WDR64: variants seen among roughly 807,000 people sequenced by gnomAD.
WDR64 encodes the protein WD repeat domain 64, also known as WD repeat-containing protein 64.
In WDR64, 112 loss-of-function variants were observed where a neutral mutation model predicts 139.3. That is an observed-to-expected ratio of 0.80 (90% CI 0.69 to 0.94). The LOEUF is 0.94. Ranked by LOEUF, WDR64 falls within the 40% of genes least tolerant of loss-of-function variation. The pLI, the probability that WDR64 is intolerant of heterozygous loss-of-function variation, is 0.00. For synonymous variants in WDR64, 444 were observed against 437.7 expected (o/e 1.01, Z -0.18); for missense variants, 1,206 against 1,293.1 (o/e 0.93, Z 1.03).
intron 2 of WDR64, among the ~76,000 whole-genome samples, chr1:241,669,891 A>G (rs1666156923): frequency 6.6e-6 from 1 of 152,186 alleles, no homozygotes. Context: ...TTAGAAATGC[A>G]GATTCTCAGA....
chr1:241,784,606 CT>C (rs1558524135), intron 23 of WDR64, among the ~76,000 whole-genome samples: 1 of 152,072 alleles, frequency 6.6e-6, no homozygotes, highest in East Asian at 1.9e-4. Flanking sequence ...CAAGATGAAT[CT>C]TTGGGAGTAA....
At chr1:241,668,894 C>T (rs1196239441) in intron 2 of WDR64, among the ~76,000 whole-genome samples, 6 of 144,694 alleles carry the variant, frequency 4.1e-5, no homozygotes, top group South Asian at 2.2e-4. Context: ...GGCAAGACTC[C>T]GTCAAAAAAA....
intron 12 of WDR64, 98 bp downstream of exon 12, chr1:241,741,762 G>T (rs1294717982): frequency 4.8e-6 from 6 of 1,246,800 alleles, no homozygotes; most frequent in Non-Finnish European, 5.4e-6. Flanking sequence ...AAATGTAGCG[G>T]CACATACGAT....
At chr1:241,689,796 A>G (rs938887051) in intron 8 of WDR64, among the ~76,000 whole-genome samples, 5 of 152,332 alleles carry the variant, frequency 3.3e-5, no homozygotes, top group African/African-American at 1.2e-4. Flanking sequence ...TAAAGATCAA[A>G]AACACTGATA....
At chr1:241,659,200 G>A (rs1219560212) in intron 1 of WDR64, among the ~76,000 whole-genome samples, 1 of 152,022 alleles carries the variant, frequency 6.6e-6, no homozygotes, top group African/African-American at 2.4e-5. Flanking sequence ...AAAGATAATG[G>A]CCTCCAGATC....
chr1:241,691,507 A>G (rs9428886), intron 8 of WDR64, among the ~76,000 whole-genome samples: 22,228 of 152,202 alleles, frequency 0.15, 1,927 homozygotes, highest in African/African-American at 0.24. Context: ...AAAAGAAAAC[A>G]GGAGTTACTA....
At chr1:241,707,443 T>G (rs1667994183) in intron 8 of WDR64, among the ~76,000 whole-genome samples, 1 of 152,198 alleles carries the variant, frequency 6.6e-6, no homozygotes, top group East Asian at 1.9e-4. Context: ...TTTAGCAATC[T>G]TAGACACAGC....
intron 4 of WDR64, among the ~76,000 whole-genome samples, chr1:241,677,719 GTTCTT>G (rs1666608498): frequency 6.6e-6 from 1 of 152,166 alleles, no homozygotes; most frequent in African/African-American, 2.4e-5. Flanking sequence ...TGGGTAAAAT[GTTCTT>G]TTAAGTCTCA....
intron 10 of WDR64, among the ~76,000 whole-genome samples, chr1:241,734,233 A>G (rs1015202795): frequency 6.6e-6 from 1 of 151,966 alleles, no homozygotes; most frequent in Non-Finnish European, 1.5e-5. Flanking sequence ...GACTTAACCA[A>G]TGTACATCTT....
chr1:241,717,353 C>T (rs1668442019), intron 9 of WDR64, among the ~76,000 whole-genome samples: 1 of 152,122 alleles, frequency 6.6e-6, no homozygotes, highest in Non-Finnish European at 1.5e-5. Flanking sequence ...ACAAGTCGCA[C>T]AACTAGTTAG....
intron 17 of WDR64, among the ~76,000 whole-genome samples, chr1:241,770,237 G>C (rs937598611): frequency 1.3e-5 from 2 of 152,146 alleles, no homozygotes; most frequent in African/African-American, 4.8e-5. Context: ...CCACAGACTA[G>C]GATCTGGTGA....
At chr1:241,753,356 T>A (rs12080779) in intron 14 of WDR64, among the ~76,000 whole-genome samples, 7,107 of 152,222 alleles carry the variant, frequency 0.047, 550 homozygotes, top group African/African-American at 0.16. Flanking sequence ...TATTCTCATA[T>A]AACAATTCAA....
rs779405784 is a variant in WDR64 at position 241,711,849 on chromosome 1, A to G, written c.1022A>G (p.Tyr341Cys). Reference protein sequence around the residue: ...SMPRGANTFCYCVKANVIVTG... With the variant: ...SMPRGANTFCCCVKANVIVTG... ...CCAAGAGGAGCCAACACTTTTTGCT[A>G]CTGTGTTAAGGCAAATGTGATTGTC... The change falls in exon 9 of 28, where the codon TAC becomes TGC. Residue 341 changes from tyrosine to cysteine, a missense_variant. By Grantham distance (194) the Tyr-to-Cys change is radical. Coordinates refer to ENST00000437684, the MANE Select transcript of WDR64 (RefSeq NM_001367482.1). 7.4e-6 allele frequency: 12 copies of G among 1,614,008 alleles called. No individual in the cohort carries two copies. Among genetic ancestry groups the G allele is most frequent in the Non-Finnish European group, 1.0e-5 (12 of 1,180,026 alleles).
chr1:241,771,601 G>T, intron 18 of WDR64, 60 bp from the exon 19 acceptor site: 1 of 1,279,298 alleles, frequency 7.8e-7, no homozygotes, highest in Non-Finnish European at 1.0e-6. Context: ...TAATCACCCA[G>T]TATATCTCAT....
chr1:241,742,473 T>C (rs911551638), intron 12 of WDR64, among the ~76,000 whole-genome samples: 2 of 152,124 alleles, frequency 1.3e-5, no homozygotes, highest in South Asian at 4.1e-4. Context: ...AAAACCAAGA[T>C]GGCGACGAGA....
chr1:241,664,435 TAC>T (rs1247659378), intron 2 of WDR64, among the ~76,000 whole-genome samples: 1 of 152,250 alleles, frequency 6.6e-6, no homozygotes, highest in Non-Finnish European at 1.5e-5. Flanking sequence ...CATATTTTAT[TAC>T]ACACTTAGAT....
At chr1:241,771,949 T>C (rs71535342) in intron 19 of WDR64, among the ~76,000 whole-genome samples, 3,954 of 38,472 alleles carry the variant, frequency 0.1, 51 homozygotes, top group Non-Finnish European at 0.13. Context: ...TACATACATA[T>C]ATATATATAT....
chr1:241,792,790 C>T (rs1558527436), intron 25 of WDR64, among the ~76,000 whole-genome samples: 2 of 152,052 alleles, frequency 1.3e-5, no homozygotes, highest in Non-Finnish European at 2.9e-5. Flanking sequence ...CACTAATCTG[C>T]TGATGGTAGT....
At position 241,723,476 on chromosome 1, in the gene WDR64, C is replaced by T. The variant is rs369473613; in HGVS notation, c.1194+40C>T. 7.7e-5 allele frequency: 123 copies of T among 1,598,512 alleles called. 1 individual carries two copies. The Admixed American group carries it at 1.2e-3, about 16-fold the overall frequency. On this transcript the variant is annotated intron_variant, in intron 10 of 27. Transcript: ENST00000437684. ...ATAACAAAACAAAACTAGTTTTTTC[C>T]GGAAAATTATCTGTTGGAAGGCATA...
Sources: allele counts gnomAD v4.1 joint callset (sites outside exome capture counted in the v4.1 genomes callset), GRCh38; gene constraint gnomAD v4.1.1; transcripts MANE v1.5; gene names NCBI Gene and HGNC (gene_info 2026-07-23, HGNC 2026-07-21).